The following KCND2 variants were observed in gnomAD, a reference collection of about 807,000 sequenced individuals.
KCND2 encodes the protein potassium voltage-gated channel subfamily D member 2.
A neutral mutation model predicts 54.4 loss-of-function variants in KCND2; 16 were observed. The observed-to-expected ratio is 0.29, with a 90% CI of 0.20 to 0.45. The LOEUF is 0.45. Among genes scored for constraint, KCND2 ranks in the 20% least tolerant of loss-of-function variants. The pLI is 1.00. For synonymous variants in KCND2, 317 were observed against 310.7 expected (o/e 1.02, Z -0.21); for missense variants, 486 against 824.2 (o/e 0.59, Z 5.02).
intron 1 of KCND2, among the ~76,000 whole-genome samples, chr7:120,450,987 T>C (rs574281485): frequency 6.6e-6 from 1 of 152,284 alleles, no homozygotes; most frequent in East Asian, 1.9e-4. Context: ...AGTCCTCTAA[T>C]TCCTGGACTC....
intron 1 of KCND2, among the ~76,000 whole-genome samples, chr7:120,523,208 CCT>C (rs1791721729): frequency 6.6e-6 from 1 of 152,080 alleles, no homozygotes; most frequent in Non-Finnish European, 1.5e-5. Flanking sequence ...AACTTCATTT[CCT>C]AGAAGCTAAA....
Position 120,435,050 on chromosome 7 carries a change from T to G in KCND2, c.1115+159303T>G, listed in dbSNP as rs574436011. On this transcript the variant is annotated intron_variant, in intron 1 of 5. Transcript: ENST00000331113. ...GGAGGAAAATATAAAAAACCTATCT[T>G]GCACATTTTAAAACTAGCATATAGA... Among the ~76,000 whole-genome samples the G allele has an allele frequency of 1.6e-4, 25 of 152,202 alleles. No homozygotes were observed. In the East Asian group the frequency reaches 4.8e-3, roughly 29 times the overall value.
chr7:120,375,719 G>A lies in KCND2; in HGVS notation c.1115+99972G>A, dbSNP rs530635173. Among the ~76,000 whole-genome samples, 19 of 151,828 alleles carry A rather than the reference G, an allele frequency of 1.3e-4. No individual in the cohort carries two copies. The South Asian group carries it at 3.5e-3, about 28-fold the overall frequency. Reference sequence around the variant, plus strand: ...CCAGTTAACATGGTGTTTTCCTGACGAAGCTCAAGTTTATAAATGAATTAA... The same window carrying A: ...CCAGTTAACATGGTGTTTTCCTGACAAAGCTCAAGTTTATAAATGAATTAA... On this transcript the variant is annotated intron_variant, in intron 1 of 5. Coordinates refer to ENST00000331113, the MANE Select transcript of KCND2 (RefSeq NM_012281.3).
chr7:120,673,718 C>G (rs1452142545), intron 1 of KCND2, among the ~76,000 whole-genome samples: 1 of 152,032 alleles, frequency 6.6e-6, no homozygotes, highest in Non-Finnish European at 1.5e-5. Flanking sequence ...TTTTCATAGC[C>G]TACAAAATAA....
intron 1 of KCND2, among the ~76,000 whole-genome samples, chr7:120,461,126 G>C (rs1802277932): frequency 6.6e-6 from 1 of 152,070 alleles, no homozygotes; most frequent in Non-Finnish European, 1.5e-5. Flanking sequence ...CTGCCTCCTT[G>C]GTTGCCACTG....
intron 1 of KCND2, among the ~76,000 whole-genome samples, chr7:120,458,534 C>T (rs1256922739): frequency 1.3e-5 from 2 of 152,258 alleles, no homozygotes; most frequent in South Asian, 4.1e-4. Context: ...ATGAGCAGTT[C>T]ATATTCCTTG....
intron 1 of KCND2, among the ~76,000 whole-genome samples, chr7:120,530,465 G>A (rs1359462381): frequency 1.3e-5 from 2 of 152,048 alleles, no homozygotes; most frequent in Non-Finnish European, 2.9e-5. Flanking sequence ...ATCCTTCTTT[G>A]AAGTATATAT....
chr7:120,732,365 T>C (rs1002655897), intron 1 of KCND2, among the ~76,000 whole-genome samples: 7 of 152,040 alleles, frequency 4.6e-5, no homozygotes, highest in Admixed American at 1.3e-4. Flanking sequence ...AAATGAGAGA[T>C]TGAGTTAGAT....
intron 1 of KCND2, among the ~76,000 whole-genome samples, chr7:120,646,662 A>T (rs1007506783): frequency 2.0e-5 from 3 of 152,350 alleles, no homozygotes; most frequent in Middle Eastern, 3.4e-3. Flanking sequence ...GAGTATAAAG[A>T]TTAGTTTCTA....
At chr7:120,508,544 G>A (rs1490453222) in intron 1 of KCND2, among the ~76,000 whole-genome samples, 2 of 151,916 alleles carry the variant, frequency 1.3e-5, no homozygotes, top group East Asian at 3.9e-4. Flanking sequence ...AAGAAATAAA[G>A]TGTTTTAAAT....
chr7:120,615,458 A>G (rs1472247507), intron 1 of KCND2, among the ~76,000 whole-genome samples: 2 of 152,184 alleles, frequency 1.3e-5, no homozygotes, highest in South Asian at 2.1e-4. Flanking sequence ...GATGAGGTCA[A>G]TTTTATTACT....
At chr7:120,458,916 A>G (rs141532342) in intron 1 of KCND2, among the ~76,000 whole-genome samples, 18 of 151,202 alleles carry the variant, frequency 1.2e-4, no homozygotes, top group Non-Finnish European at 2.5e-4. Flanking sequence ...AGTAATAATT[A>G]TTATATTCTT....
intron 1 of KCND2, among the ~76,000 whole-genome samples, chr7:120,469,373 A>T (rs564882984): frequency 1.0e-3 from 154 of 152,282 alleles, no homozygotes; most frequent in African/African-American, 3.4e-3. Context: ...AGTGTTACAT[A>T]TAATTTCATC....
At chr7:120,617,163 T>C (rs1793036595) in intron 1 of KCND2, among the ~76,000 whole-genome samples, 1 of 152,214 alleles carries the variant, frequency 6.6e-6, no homozygotes, top group African/African-American at 2.4e-5. Flanking sequence ...ACATTTTGTA[T>C]GTGAAACAGA....
At chr7:120,477,647 AAAG>A (rs1228237141) in intron 1 of KCND2, among the ~76,000 whole-genome samples, 1 of 152,116 alleles carries the variant, frequency 6.6e-6, no homozygotes, top group Non-Finnish European at 1.5e-5. Flanking sequence ...GGATGAAAAA[AAAG>A]AAGAGGGGGA....
intron 1 of KCND2, among the ~76,000 whole-genome samples, chr7:120,645,493 A>G (rs1398868127): frequency 6.6e-6 from 1 of 152,022 alleles, no homozygotes; most frequent in Non-Finnish European, 1.5e-5. Flanking sequence ...CCATACTAAT[A>G]CAGAGTTCTG....
chr7:120,727,701 C>T (rs766725219), intron 1 of KCND2, among the ~76,000 whole-genome samples: 8 of 151,948 alleles, frequency 5.3e-5, no homozygotes, highest in African/African-American at 7.3e-5. Context: ...CCTTTTTAAC[C>T]GATATGAGGA....
chr7:120,645,027 T>C (rs1434027845), intron 1 of KCND2, among the ~76,000 whole-genome samples: 4 of 152,232 alleles, frequency 2.6e-5, no homozygotes, highest in Non-Finnish European at 5.9e-5. Context: ...AATGTCTCTC[T>C]GTGCCTACTG....
chr7:120,534,543 C>T (rs779359095), intron 1 of KCND2, among the ~76,000 whole-genome samples: 5 of 152,090 alleles, frequency 3.3e-5, no homozygotes, highest in Admixed American at 6.6e-5. Context: ...AAGGTGGTGT[C>T]CTGAGTGGGA....
Sources: gnomAD v4.1 joint callset for allele counts (sites outside exome capture counted in the v4.1 genomes callset) on GRCh38, gnomAD v4.1.1 for gene constraint, MANE v1.5 for transcripts, NCBI Gene and HGNC (gene_info 2026-07-23, HGNC 2026-07-21) for gene names.